The following ENGASE variants were observed in gnomAD, a reference collection of about 807,000 sequenced individuals.
ENGASE encodes endo-beta-N-acetylglucosaminidase.
Under a neutral mutation model 78.5 loss-of-function variants are expected in ENGASE, and 69 were observed. The ratio of observed to expected loss-of-function variants is 0.88; its 90% CI spans 0.72 to 1.07. ENGASE has a LOEUF of 1.07. Among genes scored for constraint, ENGASE ranks in the 50% least tolerant of loss-of-function variants. ENGASE has a pLI of 0.00. For missense variants in ENGASE, 943 were observed against 988.4 expected (o/e 0.95, Z 0.62); for synonymous variants, 408 against 408.9 (o/e 1.00, Z 0.03).
Position 79,083,657 on chromosome 17 carries a change from G to T in ENGASE, c.1251+67G>T, listed in dbSNP as rs1219722812. ...GCTGGGACAGGTGGGAGGAGCCTGG[G>T]ACTTGCCAGCAGGCACGGTGGTGGT... is the stretch of plus-strand genomic sequence containing the variant. On this transcript the variant is annotated intron_variant, in intron 9 of 13. Transcript: ENST00000579016. The surrounding 1 kb of genome is among the most constrained non-coding windows in gnomAD (Gnocchi z 4.9). 3 of 1,576,034 alleles carry T rather than the reference G, an allele frequency of 1.9e-6. No homozygotes were observed. Among genetic ancestry groups the T allele is most frequent in the Non-Finnish European group, 2.6e-6 (3 of 1,149,276 alleles).
intron 7 of ENGASE, chr17:79,082,305 G>A (rs1215359125): frequency 7.0e-7 from 1 of 1,425,586 alleles, no homozygotes; most frequent in African/African-American, 1.4e-5. Flanking sequence ...GGTGTTACCA[G>A]ACAGAGGCGC....
At chr17:79,076,828 G>C (rs1760220779) in intron 1 of ENGASE, among the ~76,000 whole-genome samples, 1 of 152,144 alleles carries the variant, frequency 6.6e-6, no homozygotes, top group East Asian at 1.9e-4. Flanking sequence ...TTTATGTCTG[G>C]TCTTTGTGGT....
intron 12 of ENGASE, 125 bp downstream of exon 12, chr17:79,085,467 C>A: frequency 7.5e-7 from 1 of 1,338,356 alleles, no homozygotes; most frequent in Non-Finnish European, 1.0e-6. Context: ...GAGACAGAAG[C>A]CCAGGACAGC....
In ENGASE at chr17:79,083,612, G is replaced by T; in HGVS notation, c.1251+22G>T. 6.2e-7 allele frequency: 1 copy of T among 1,601,500 alleles called. No individual in the cohort carries two copies. Among genetic ancestry groups the T allele is most frequent in the Non-Finnish European group, 8.6e-7 (1 of 1,168,882 alleles). The stretch of plus-strand genomic sequence containing the variant: ...CCAGGTGGGTGGGTGTCTTCCCTCC[G>T]TGTCTGTCCTCTGGCCTCAGCTGGG... On this transcript the variant is annotated intron_variant, in intron 9 of 13. Coordinates refer to ENST00000579016, the MANE Select transcript of ENGASE (RefSeq NM_001042573.3). This position sits in a 1 kb window ranked among gnomAD's most constrained non-coding sequence, Gnocchi z 4.9.
chr17:79,079,742 G>A (rs2073076303), intron 4 of ENGASE, 105 bp downstream of exon 4: 1 of 1,460,460 alleles, frequency 6.8e-7, no homozygotes, highest in Non-Finnish European at 9.2e-7. Context: ...TCAGTGCCCA[G>A]AGCCCCTCGC....
intron 12 of ENGASE, 53 bp from the exon 13 acceptor site, chr17:79,085,567 C>T (rs1412995295): frequency 1.1e-5 from 18 of 1,603,070 alleles, no homozygotes; most frequent in Non-Finnish European, 1.4e-5. Context: ...GGACGGCTCA[C>T]CCTGGAGCCT....
intron 1 of ENGASE, among the ~76,000 whole-genome samples, chr17:79,076,262 C>G (rs545862474): frequency 8.3e-4 from 127 of 152,266 alleles, no homozygotes; most frequent in African/African-American, 2.9e-3. Context: ...TCTTACTGCT[C>G]CTAAAATAAT....
chr17:79,082,259 G>A (rs570593632), intron 7 of ENGASE, 196 bp downstream of exon 7: 6 of 1,527,388 alleles, frequency 3.9e-6, no homozygotes, highest in South Asian at 2.4e-5. Context: ...CCCCTTTCCC[G>A]GCTATTTCTA....
At position 79,082,056 on chromosome 17, in the gene ENGASE, C is replaced by T; in HGVS notation, c.1031C>T (p.Thr344Ile). 1 of 1,614,232 alleles carries T rather than the reference C, an allele frequency of 6.2e-7. No individual in the cohort carries two copies. The highest frequency in any genetic ancestry group is 8.5e-7 in the Non-Finnish European group (1 of 1,180,030). The change falls in exon 7 of 14, where the codon ACA (threonine) becomes ATA (isoleucine). Residue 344 changes from threonine (T) to isoleucine (I), a missense_variant. Coordinates refer to ENST00000579016, the MANE Select transcript of ENGASE (RefSeq NM_001042573.3). ...AACGTGGTCGGAGGCCGATTCGACA[C>T]AGACAAGGTGGGTGGTGGCTTTCGT... ...RGNVVGGRFD[T>I]DKSLELIRKH...
intron 6 of ENGASE, among the ~76,000 whole-genome samples, chr17:79,081,464 T>A (rs530261176): frequency 1.3e-5 from 2 of 152,202 alleles, no homozygotes; most frequent in South Asian, 4.2e-4. Context: ...ATCGTGCCAC[T>A]GCACTCCAGC....
intron 3 of ENGASE, among the ~76,000 whole-genome samples, chr17:79,078,635 A>T (rs2073029249): frequency 6.6e-6 from 1 of 152,156 alleles, no homozygotes; most frequent in Non-Finnish European, 1.5e-5. Flanking sequence ...CAGACGTCCC[A>T]TCCAAAGTTG....
chr17:79,075,292 G>A (rs1357822861), intron 1 of ENGASE, among the ~76,000 whole-genome samples: 1 of 152,200 alleles, frequency 6.6e-6, no homozygotes, highest in African/African-American at 2.4e-5. Flanking sequence ...CCGGGCAGCG[G>A]CCTCCGGCCC....
rs1212148173 is a variant in ENGASE, at chr17:79,081,848, C to G, written c.873-50C>G. 3 of 1,566,310 alleles carry G rather than the reference C, an allele frequency of 1.9e-6. 1 individual carries two copies. In the South Asian group the frequency reaches 3.6e-5, roughly 19 times the overall value. On this transcript the variant is annotated intron_variant, in intron 6 of 13. Coordinates refer to ENST00000579016, the MANE Select transcript of ENGASE (RefSeq NM_001042573.3). ...GAGACTGCAGGGTTGGTGGGGGTGG[C>G]CCCATCCTTCTGGGCCTGGGCCTCA... is the stretch of plus-strand genomic sequence containing the variant.
chr17:79,076,851 G>A (rs2072979886), intron 1 of ENGASE, among the ~76,000 whole-genome samples: 1 of 152,146 alleles, frequency 6.6e-6, no homozygotes, highest in South Asian at 2.1e-4. Context: ...TGGGGTGGCT[G>A]CTTTAGAGGG....
chr17:79,083,560 C>T lies in ENGASE; in HGVS notation c.1221C>T (p.Gly407=). 2.5e-6 allele frequency: 4 copies of T among 1,614,174 alleles called. No individual in the cohort carries two copies. Among genetic ancestry groups the T allele is most frequent in the Non-Finnish European group, 3.4e-6 (4 of 1,180,002 alleles). Reference sequence around the variant, plus strand: ...CTTTCGTCACGTCCTTCTGCCTGGGCATGGGTGCACGGAGGGTCTGCTATG... The same window carrying T: ...CTTTCGTCACGTCCTTCTGCCTGGGTATGGGTGCACGGAGGGTCTGCTATG... ...SLPFVTSFCL[G]MGARRVCYGQ... Residue 407 remains glycine, a synonymous_variant, in exon 9 of 14, where the codon GGC becomes GGT. Coordinates refer to ENST00000579016, the MANE Select transcript of ENGASE (RefSeq NM_001042573.3). The surrounding 1 kb of genome is among the most constrained non-coding windows in gnomAD (Gnocchi z 4.9).
rs574126598 is a variant in ENGASE, at chr17:79,075,206, C to A, written c.146+116C>A. ...GGGGCGGGGGGCCGGCGCCTGTGTC[C>A]GCTCCGTGCACAGTAAGGGACAGAG... On this transcript the variant is annotated intron_variant, in intron 1 of 13. Coordinates refer to ENST00000579016, the MANE Select transcript of ENGASE (RefSeq NM_001042573.3). 14 of 1,133,234 alleles carry A rather than the reference C, an allele frequency of 1.2e-5. No homozygotes were observed. In the East Asian group the frequency reaches 3.3e-4, roughly 27 times the overall value. The allele number at this position is 1,133,234 out of a possible 1,614,324, so 70.2% of individuals were successfully genotyped here.
At chr17:79,085,461 C>T (rs2073268531) in intron 12 of ENGASE, 119 bp downstream of exon 12, 1 of 1,333,264 alleles carries the variant, frequency 7.5e-7, no homozygotes, top group African/African-American at 1.5e-5. Flanking sequence ...AGCTCTGAGA[C>T]AGAAGCCCAG....
Position 79,083,403 on chromosome 17 carries a change from T to G in ENGASE, c.1143-79T>G. On this transcript the variant is annotated intron_variant, in intron 8 of 13. Transcript: ENST00000579016. This position sits in a 1 kb window ranked among gnomAD's most constrained non-coding sequence, Gnocchi z 4.9. Reference sequence around the variant, plus strand: ...GGAGGGTGCAGGAGAGCCTCGAGTTTCCACCAGCAAGTTTGAGGGACACTG... The same window carrying G: ...GGAGGGTGCAGGAGAGCCTCGAGTTGCCACCAGCAAGTTTGAGGGACACTG... 6 of 1,138,930 alleles carry G rather than the reference T, an allele frequency of 5.3e-6. No individual in the cohort carries two copies. The highest frequency in any genetic ancestry group is 6.5e-6 in the Non-Finnish European group (5 of 775,112). The allele number at this position is 1,138,930 out of a possible 1,614,324, so 70.6% of individuals were successfully genotyped here.
At position 79,083,139 on chromosome 17, in the gene ENGASE, C is replaced by T; in HGVS notation, c.1142+16C>T. The T allele has an allele frequency of 6.3e-7, 1 of 1,585,854 alleles. No homozygotes were observed. The highest frequency in any genetic ancestry group is 8.7e-7 in the Non-Finnish European group (1 of 1,155,432). On this transcript the variant is annotated intron_variant, in intron 8 of 13. Coordinates refer to ENST00000579016, the MANE Select transcript of ENGASE (RefSeq NM_001042573.3). The surrounding 1 kb of genome is among the most constrained non-coding windows in gnomAD (Gnocchi z 4.9). Reference sequence around the variant, plus strand: ...ACCAGGACAAGTGAGTCCTGCTGTCCTGGGTGCTTAGTGCAGGCTGATGGG... The same window carrying T: ...ACCAGGACAAGTGAGTCCTGCTGTCTTGGGTGCTTAGTGCAGGCTGATGGG...
Sources: allele counts gnomAD v4.1 joint callset (sites outside exome capture counted in the v4.1 genomes callset), GRCh38; gene constraint gnomAD v4.1.1; non-coding constraint Gnocchi (gnomAD v3.1); transcripts MANE v1.5; gene names NCBI Gene and HGNC (gene_info 2026-07-23, HGNC 2026-07-21).